The following RPTOR variants were observed in gnomAD, a reference collection of about 807,000 sequenced individuals.
RPTOR encodes the protein regulatory-associated protein of mTOR.
A neutral mutation model predicts 169.9 loss-of-function variants in RPTOR; 21 were observed. The ratio of observed to expected loss-of-function variants is 0.12; its 90% CI spans 0.09 to 0.18. The LOEUF is 0.18. Ranked by LOEUF, RPTOR falls within the 10% of genes least tolerant of loss-of-function variation. RPTOR has a pLI of 1.00. For synonymous variants in RPTOR, 732 were observed against 753.2 expected, an observed-to-expected ratio of 0.97 and a Z score of 0.46; for missense variants, 1,133 against 1,855.9, an observed-to-expected ratio of 0.61 and a Z score of 7.16.
intron 16 of RPTOR, 80 bp from the exon 17 acceptor site, chr17:80,884,928 G>A: frequency 6.6e-7 from 1 of 1,520,266 alleles, no homozygotes; most frequent in Non-Finnish European, 8.9e-7. Flanking sequence ...GGATTCACCT[G>A]CACACACAGC....
intron 3 of RPTOR, among the ~76,000 whole-genome samples, chr17:80,703,348 G>C (rs934769760): frequency 1.3e-5 from 2 of 152,152 alleles, no homozygotes; most frequent in Non-Finnish European, 2.9e-5. Context: ...CATATCCTGT[G>C]TTCACTAAGG....
At position 80,731,472 on chromosome 17, in the gene RPTOR, T is replaced by C. The variant is rs2066392778; in HGVS notation, c.654+766T>C. On this transcript the variant is annotated intron_variant, in intron 5 of 33. Coordinates refer to ENST00000306801, the MANE Select transcript of RPTOR (RefSeq NM_020761.3). ...AAACAAACGAAAACAGCTACTGTTG[T>C]AGCGCCCACTTCAAAAAGCGGAAAG... Among the ~76,000 whole-genome samples the C allele has an allele frequency of 2.0e-5, 3 of 152,210 alleles. No homozygotes were observed. In the East Asian group the frequency reaches 5.8e-4, roughly 29 times the overall value.
chr17:80,572,741 A>G (rs2064920866), intron 1 of RPTOR, among the ~76,000 whole-genome samples: 1 of 152,136 alleles, frequency 6.6e-6, no homozygotes, highest in Admixed American at 6.6e-5. Flanking sequence ...ACCAAAACCA[A>G]AAACAAATCT....
chr17:80,916,479 C>G lies in RPTOR; in HGVS notation c.2521-6245C>G, dbSNP rs573140850. 1.5e-3 allele frequency among the ~76,000 whole-genome samples: 232 copies of G among 152,380 alleles called. 1 individual carries two copies. The highest frequency in any genetic ancestry group is 2.9e-3 in the Non-Finnish European group (197 of 68,040). ...CCCACATTCACTCTCACACCCCTCA[C>G]CACTCTGCGCCTGGCTTGCCTTTGG... On this transcript the variant is annotated intron_variant, in intron 21 of 33. Transcript: ENST00000306801.
chr17:80,891,914 C>A, intron 18 of RPTOR, 77 bp downstream of exon 18: 2 of 998,384 alleles, frequency 2.0e-6, no homozygotes, highest in Non-Finnish European at 3.1e-6. Flanking sequence ...CAGTCTTGCT[C>A]ACCCTCGCAG....
At chr17:80,898,310 A>T (rs919496904) in intron 20 of RPTOR, among the ~76,000 whole-genome samples, 1 of 151,950 alleles carries the variant, frequency 6.6e-6, no homozygotes, top group Non-Finnish European at 1.5e-5. Context: ...GATATTCCCA[A>T]TCTGCTGCCT....
At chr17:80,898,337 G>A (rs999754432) in intron 20 of RPTOR, among the ~76,000 whole-genome samples, 9 of 152,020 alleles carry the variant, frequency 5.9e-5, no homozygotes, top group East Asian at 3.9e-4. Flanking sequence ...ATATGTCCCC[G>A]TTTATTCCTA....
chr17:80,644,307 G>GTT (rs3046923), intron 3 of RPTOR, among the ~76,000 whole-genome samples: 6,144 of 108,892 alleles, frequency 0.056, 350 homozygotes, highest in African/African-American at 0.13. Context: ...TAGTGTGTGG[G>GTT]TTTTTTTTTT....
At chr17:80,670,425 A>T (rs1279265658) in intron 3 of RPTOR, among the ~76,000 whole-genome samples, 1 of 151,972 alleles carries the variant, frequency 6.6e-6, no homozygotes, top group Non-Finnish European at 1.5e-5. Context: ...TGACCTTTTT[A>T]AGCCTTTTAA....
At chr17:80,918,933 A>G (rs1276556981) in intron 21 of RPTOR, among the ~76,000 whole-genome samples, 1 of 151,938 alleles carries the variant, frequency 6.6e-6, no homozygotes, top group Non-Finnish European at 1.5e-5. Flanking sequence ...CCATCTCACC[A>G]TCCTCTGTGG....
At chr17:80,950,718 C>T (rs1220744974) in intron 28 of RPTOR, among the ~76,000 whole-genome samples, 4 of 152,134 alleles carry the variant, frequency 2.6e-5, no homozygotes, top group Admixed American at 6.5e-5. Context: ...GGAGGGGTCC[C>T]GGGAGACAGC....
intron 5 of RPTOR, among the ~76,000 whole-genome samples, chr17:80,735,287 C>T (rs1165029425): frequency 6.6e-6 from 1 of 152,034 alleles, no homozygotes; most frequent in East Asian, 1.9e-4. Context: ...CAGTGGTAGC[C>T]CTGTTACTCC....
chr17:80,708,838 A>T lies in RPTOR; in HGVS notation c.507+839A>T. The T allele has an allele frequency of 3.0e-6, 2 of 669,170 alleles. No individual in the cohort carries two copies. The highest frequency in any genetic ancestry group is 3.7e-6 in the Non-Finnish European group (2 of 540,996). The allele number at this position is 669,170 out of a possible 1,614,324, so 41.5% of individuals were successfully genotyped here. On this transcript the variant is annotated intron_variant, in intron 4 of 33. Transcript: ENST00000306801. The surrounding 1 kb of genome is among the most constrained non-coding windows in gnomAD (Gnocchi z 4.2). Reference sequence around the variant, plus strand: ...TGTGCCTGAGCGTGTCTATGAGGGCACTGATTTGGAATCCAGCAAATCCGA... The same window carrying T: ...TGTGCCTGAGCGTGTCTATGAGGGCTCTGATTTGGAATCCAGCAAATCCGA...
chr17:80,752,806 C>A (rs1219041323), intron 5 of RPTOR, among the ~76,000 whole-genome samples: 1 of 152,144 alleles, frequency 6.6e-6, no homozygotes, highest in Admixed American at 6.5e-5. Context: ...TTTTTTAAAC[C>A]TTTGAATGTA....
chr17:80,568,243 T>C (rs1047909051), intron 1 of RPTOR, among the ~76,000 whole-genome samples: 4 of 152,350 alleles, frequency 2.6e-5, no homozygotes, highest in Admixed American at 6.5e-5. Context: ...ATTCCTTTTA[T>C]AGCTCTGAGC....
At chr17:80,700,805 A>AGG (rs2066093727) in intron 3 of RPTOR, among the ~76,000 whole-genome samples, 3 of 9,012 alleles carry the variant, frequency 3.3e-4, no homozygotes, top group Admixed American at 1.1e-3. Context: ...GGTGATGATG[A>AGG]TGGTGGTGAT....
At chr17:80,643,536 G>A (rs1003124965) in intron 2 of RPTOR, among the ~76,000 whole-genome samples, 192 bp from the exon 3 acceptor site, 4 of 152,146 alleles carry the variant, frequency 2.6e-5, no homozygotes, top group African/African-American at 7.2e-5. Flanking sequence ...TGGCCTTCAC[G>A]GCGTGTCAGC....
intron 10 of RPTOR, among the ~76,000 whole-genome samples, chr17:80,841,430 TCACA>T (rs2067654770): frequency 2.5e-5 from 3 of 121,926 alleles, no homozygotes. Flanking sequence ...ACACGGCAGC[TCACA>T]CTCACCACAC....
rs1391919213 is a variant in RPTOR, at chr17:80,743,739, A to G, written c.655-10271A>G. ...CCTGGCTACGAGCACAGCCCTGGCT[A>G]CTAGCAGAGCCCTGGCTACTAGCAC... On this transcript the variant is annotated intron_variant, in intron 5 of 33. Coordinates refer to ENST00000306801, the MANE Select transcript of RPTOR (RefSeq NM_020761.3). Among the ~76,000 whole-genome samples the G allele has an allele frequency of 2.3e-3, 320 of 138,668 alleles. 14 individuals carry two copies. Among genetic ancestry groups the G allele is most frequent in the Middle Eastern group, 3.9e-3 (1 of 258 alleles). 91.0% of individuals were successfully genotyped at this position (138,668 alleles called of 152,430 possible).
Sources: gnomAD v4.1 joint callset for allele counts (sites outside exome capture counted in the v4.1 genomes callset) on GRCh38, gnomAD v4.1.1 for gene constraint, Gnocchi (gnomAD v3.1) non-coding constraint, MANE v1.5 for transcripts, NCBI Gene and HGNC (gene_info 2026-07-23, HGNC 2026-07-21) for gene names.